Variants in JAK1 observed in about 807,000 individuals in gnomAD.
The protein encoded by JAK1 is Janus kinase 1.
Under a neutral mutation model 136.6 loss-of-function variants are expected in JAK1, and 16 were observed. That is an observed-to-expected ratio of 0.12 (90% CI 0.08 to 0.18). JAK1 has a LOEUF of 0.18. Ranked by LOEUF, JAK1 falls within the 10% of genes least tolerant of loss-of-function variation. The pLI, the probability that JAK1 is intolerant of heterozygous loss-of-function variation, is 1.00. For missense variants in JAK1, 859 were observed against 1,450.1 expected (o/e 0.59, Z 6.62); for synonymous variants, 492 against 519.5 (o/e 0.95, Z 0.72).
intron 1 of JAK1, among the ~76,000 whole-genome samples, chr1:65,049,434 A>G (rs988029531): frequency 1.4e-5 from 2 of 147,068 alleles, no homozygotes; most frequent in Admixed American, 1.3e-4. Flanking sequence ...ACAAACAACA[A>G]TGACAAAAAA....
chr1:65,043,275 T>TG (rs1207632904), intron 2 of JAK1, among the ~76,000 whole-genome samples: 2 of 152,196 alleles, frequency 1.3e-5, no homozygotes, highest in East Asian at 3.8e-4. Flanking sequence ...GGTGAGGAGA[T>TG]GGAGTCTCAG....
At chr1:65,055,833 G>A (rs964377647) in intron 1 of JAK1, among the ~76,000 whole-genome samples, 4 of 152,214 alleles carry the variant, frequency 2.6e-5, no homozygotes, top group Non-Finnish European at 4.4e-5. Flanking sequence ...TCTGTCCGTA[G>A]TGCAGGGTGA....
At chr1:64,964,920 A>G (rs1371048714) in intron 1 of JAK1, among the ~76,000 whole-genome samples, 4 of 152,208 alleles carry the variant, frequency 2.6e-5, no homozygotes, top group Admixed American at 6.5e-5. Flanking sequence ...AAAGTACAAA[A>G]GAACACATTG....
At chr1:64,970,145 A>AAAAAAAAAC (rs1012119172), upstream of JAK1, among the ~76,000 whole-genome samples, 16 of 148,866 alleles carry the variant, frequency 1.1e-4, 2 homozygotes, top group Non-Finnish European at 2.1e-4. Flanking sequence ...AAAAAAAAAA[A>AAAAAAAAAC]AAAAAAAAAA....
intron 1 of JAK1, among the ~76,000 whole-genome samples, chr1:64,895,186 C>CT (rs1260794424): frequency 6.6e-6 from 1 of 152,112 alleles, no homozygotes; most frequent in African/African-American, 2.4e-5. Context: ...GCTTTGCAGT[C>CT]TTTTTTGACC....
intron 2 of JAK1, among the ~76,000 whole-genome samples, chr1:65,036,551 C>T (rs1647076649): frequency 6.6e-6 from 1 of 152,216 alleles, no homozygotes; most frequent in Non-Finnish European, 1.5e-5. Flanking sequence ...TTCTATGTGT[C>T]TTGCACATTG....
At chr1:65,026,492 C>A (rs945088048) in intron 2 of JAK1, among the ~76,000 whole-genome samples, 3 of 152,146 alleles carry the variant, frequency 2.0e-5, no homozygotes, top group African/African-American at 7.2e-5. Flanking sequence ...CACGCTGCCC[C>A]CCTGGATTCT....
chr1:64,883,079 G>C (rs1017182148), intron 3 of JAK1, among the ~76,000 whole-genome samples, 198 bp downstream of exon 3: 3 of 152,202 alleles, frequency 2.0e-5, no homozygotes, highest in African/African-American at 7.2e-5. Flanking sequence ...GATGAAGAAA[G>C]TGAAAAGCGA....
chr1:64,838,394 A>C, intron 21 of JAK1, 71 bp downstream of exon 21: 1 of 1,513,038 alleles, frequency 6.6e-7, no homozygotes, highest in Non-Finnish European at 9.0e-7. Flanking sequence ...CTTAGAGTCA[A>C]ATTACAAACC....
intron 1 of JAK1, among the ~76,000 whole-genome samples, chr1:64,950,152 G>T (rs191982451): frequency 7.0e-4 from 107 of 152,228 alleles, no homozygotes; most frequent in African/African-American, 2.5e-3. Flanking sequence ...GCTTACACCT[G>T]CAATCCCAGC....
intron 19 of JAK1, among the ~76,000 whole-genome samples, chr1:64,840,580 A>G (rs1654830559): frequency 6.6e-6 from 1 of 152,202 alleles, no homozygotes. Flanking sequence ...GCTTATGCCT[A>G]TAATCCCAGC....
rs959890637 is a variant in JAK1 at position 64,957,805 on chromosome 1, G to A, written c.-78+8528C>T. On this transcript the variant is annotated intron_variant, in intron 1 of 24. Transcript: ENST00000342505. ...TAAAAATACAAAAAATTAGCCGGGC[G>A]CGGTGGCGGGAGCCTGTAATCCCAG... is the stretch of plus-strand genomic sequence containing the variant. Among the ~76,000 whole-genome samples the A allele has an allele frequency of 4.6e-5, 7 of 152,230 alleles. No homozygotes were observed. The South Asian group carries it at 1.0e-3, about 23-fold the overall frequency.
chr1:65,004,713 T>C (rs1329332580), intron 2 of JAK1, among the ~76,000 whole-genome samples: 1 of 152,224 alleles, frequency 6.6e-6, no homozygotes, highest in Middle Eastern at 3.2e-3. Flanking sequence ...GTCTGTGGTG[T>C]TTCCACAATA....
chr1:64,858,058 C>G (rs1656055294), intron 9 of JAK1, among the ~76,000 whole-genome samples: 1 of 152,198 alleles, frequency 6.6e-6, no homozygotes, highest in Admixed American at 6.5e-5. Flanking sequence ...CAGACATCAT[C>G]TCCAGCTCAA....
At chr1:64,843,415 T>G (rs1655032041) in intron 17 of JAK1, among the ~76,000 whole-genome samples, 1 of 152,196 alleles carries the variant, frequency 6.6e-6, no homozygotes, top group African/African-American at 2.4e-5. Context: ...CAGGTAGATT[T>G]GGAGGAGGTC....
Position 64,846,739 on chromosome 1 carries a change from G to A in JAK1, c.1900-3C>T, listed in dbSNP as rs2101009796. The stretch of plus-strand genomic sequence containing the variant: ...ATGCTGGCTGCCTCGAAGAAGGCCT[G>A]TGGGCGAGCAGGACATAGGAATGTC... On this transcript the variant is annotated splice_region_variant and splice_polypyrimidine_tract_variant and intron_variant, in intron 13 of 24. Coordinates refer to ENST00000342505, the MANE Select transcript of JAK1 (RefSeq NM_002227.4). The A allele has an allele frequency of 6.2e-7, 1 of 1,612,578 alleles. No individual in the cohort carries two copies. The highest frequency in any genetic ancestry group is 1.3e-5 in the African/African-American group (1 of 75,042).
chr1:64,917,430 A>G (rs1645417641), intron 1 of JAK1, among the ~76,000 whole-genome samples: 1 of 152,162 alleles, frequency 6.6e-6, no homozygotes, highest in African/African-American at 2.4e-5. Context: ...ACAAAGAGGA[A>G]GTGAAGGGAA....
rs1332962324 is a variant in JAK1 at position 64,834,548 on chromosome 1, G to A, written c.*14C>T. 2 of 1,515,858 alleles carry A rather than the reference G, an allele frequency of 1.3e-6. No individual in the cohort carries two copies. Among genetic ancestry groups the A allele is most frequent in the African/African-American group, 1.4e-5 (1 of 72,886 alleles). 93.9% of individuals were successfully genotyped at this position (1,515,858 alleles called of 1,614,324 possible). On this transcript the variant is annotated 3_prime_UTR_variant, in exon 25 of 25. Transcript: ENST00000342505. Reference sequence around the variant, plus strand: ...ACTTGATAATCTGTGGAATTTAAATGTTATTCATGCTTCTTATTTTAAAAG... The same window carrying A: ...ACTTGATAATCTGTGGAATTTAAATATTATTCATGCTTCTTATTTTAAAAG...
chr1:64,969,408 C>A (rs1224144082), upstream of JAK1, among the ~76,000 whole-genome samples: 2 of 149,592 alleles, frequency 1.3e-5, no homozygotes, highest in African/African-American at 4.9e-5. Context: ...ATCACACCCC[C>A]CCGCAACTCC....
Sources: gnomAD v4.1 joint callset for allele counts (sites outside exome capture counted in the v4.1 genomes callset) on GRCh38, gnomAD v4.1.1 for gene constraint, MANE v1.5 for transcripts, NCBI Gene and HGNC (gene_info 2026-07-23, HGNC 2026-07-21) for gene names.